FIBCD1: variants seen among roughly 807,000 people sequenced by gnomAD.
FIBCD1 encodes fibrinogen C domain containing 1, also known as fibrinogen C domain-containing protein 1.
FIBCD1 carries 47 observed loss-of-function variants against 45.1 expected under a neutral mutation model. The ratio of observed to expected loss-of-function variants is 1.04; its 90% CI spans 0.82 to 1.33. FIBCD1 has a LOEUF of 1.33. Among genes scored for constraint, FIBCD1 ranks in the 40% most tolerant of loss-of-function variants. The pLI is 0.00. For synonymous variants in FIBCD1, 313 were observed against 308.1 expected, an observed-to-expected ratio of 1.02 and a Z score of -0.17; for missense variants, 653 against 682.2, an observed-to-expected ratio of 0.96 and a Z score of 0.48.
chr9:130,938,328 C>T, intron 1 of FIBCD1: 1 of 444,698 alleles, frequency 2.2e-6, no homozygotes, highest in South Asian at 3.6e-5. Flanking sequence ...CGCGTGGCTC[C>T]TGCAGGGGTG....
chr9:130,927,795 A>G (rs1180637338), intron 2 of FIBCD1, among the ~76,000 whole-genome samples: 3 of 152,106 alleles, frequency 2.0e-5, no homozygotes, highest in Non-Finnish European at 2.9e-5. Flanking sequence ...CAGCCTCCTG[A>G]GTAGCTGGGA....
At chr9:130,915,494 G>A (rs576837561) in intron 4 of FIBCD1, among the ~76,000 whole-genome samples, 1 of 152,324 alleles carries the variant, frequency 6.6e-6, no homozygotes, top group African/African-American at 2.4e-5. Flanking sequence ...CCTGAGGTCA[G>A]GAGTTCGAGA....
In FIBCD1 at chr9:130,921,602, C is replaced by A. The variant is rs148647903; in HGVS notation, c.849+2142G>T. On this transcript the variant is annotated intron_variant, in intron 4 of 6. Transcript: ENST00000372338. ...GAATGACCGGCCTCCCAGCCCAAATCCTGATTGACTTCCCGGGAGATTGGC... is the reference window on the plus strand; with the variant it reads ...GAATGACCGGCCTCCCAGCCCAAATACTGATTGACTTCCCGGGAGATTGGC... Among the ~76,000 whole-genome samples, 65 of 152,342 alleles carry A rather than the reference C, an allele frequency of 4.3e-4. No individual in the cohort carries two copies. In the East Asian group the frequency reaches 0.012, roughly 27 times the overall value.
intron 5 of FIBCD1, among the ~76,000 whole-genome samples, chr9:130,911,075 C>T (rs1037364282): frequency 2.0e-4 from 30 of 152,318 alleles, no homozygotes; most frequent in African/African-American, 7.0e-4. Flanking sequence ...CCAGCCTCGG[C>T]AACCCGCTCA....
rs1310662324 is a variant in FIBCD1, at chr9:130,905,402, T to C, written c.958A>G (p.Ile320Val). The C allele has an allele frequency of 1.2e-6, 2 of 1,612,666 alleles. No homozygotes were observed. The highest frequency in any genetic ancestry group is 1.7e-6 in the Non-Finnish European group (2 of 1,179,312). ...TGEHWLGLKRIHALTTQAAYE... is the reference protein window; with the variant it reads ...TGEHWLGLKRVHALTTQAAYE... ...GCAGCCTGTGTGGTCAGGGCGTGGA[T>C]CCTCTTGAGCCCTGAAGTTGGGGGG... The change falls in exon 6 of 7, where the codon ATC becomes GTC. Residue 320 changes from isoleucine (I) to valine (V), a missense_variant. Transcript: ENST00000372338.
At chr9:130,915,661 CA>C (rs747933605) in intron 4 of FIBCD1, among the ~76,000 whole-genome samples, 1 of 152,154 alleles carries the variant, frequency 6.6e-6, no homozygotes, top group Non-Finnish European at 1.5e-5. Flanking sequence ...GAGATCGCGC[CA>C]CTGCACTCCA....
chr9:130,925,994 T>C (rs1488584991), intron 2 of FIBCD1, among the ~76,000 whole-genome samples: 1 of 152,120 alleles, frequency 6.6e-6, no homozygotes, highest in Admixed American at 6.5e-5. Context: ...AGCAGGTGAT[T>C]CAGTGAGGGC....
In FIBCD1 at chr9:130,903,675, C is replaced by G; in HGVS notation, c.*389G>C. On this transcript the variant is annotated 3_prime_UTR_variant, in exon 7 of 7. Coordinates refer to ENST00000372338, the MANE Select transcript of FIBCD1 (RefSeq NM_032843.5). The stretch of plus-strand genomic sequence containing the variant: ...AGGAGGACTCCAGGGGTGCTGTCTG[C>G]CCCCTGCTCTCTGTCCCCATAATGC... 2.8e-6 allele frequency: 1 copy of G among 363,144 alleles called. No homozygotes were observed. The highest frequency in any genetic ancestry group is 5.3e-6 in the Non-Finnish European group (1 of 187,986). 22.5% of individuals were successfully genotyped at this position (363,144 alleles called of 1,614,324 possible).
chr9:130,929,443 T>TA, intron 2 of FIBCD1, 124 bp downstream of exon 2: 1 of 1,276,804 alleles, frequency 7.8e-7, no homozygotes, highest in South Asian at 1.9e-5. Flanking sequence ...GGAACAGCAG[T>TA]AGCCCCTTGT....
At position 130,929,878 on chromosome 9, in the gene FIBCD1, T is replaced by C. The variant is rs1475663462; in HGVS notation, c.241A>G (p.Thr81Ala). ...GAASANSALVTVERADSSHLS... is the reference protein window; with the variant it reads ...GAASANSALVAVERADSSHLS... ...TGCGAGCTGTCCGCCCTTTCCACAG[T>C]GACCAGGGCGCTGTTGGCGCTGGCA... is the stretch of plus-strand genomic sequence containing the variant. The change falls in exon 2 of 7, where the codon ACT (threonine) becomes GCT (alanine). Residue 81 changes from threonine to alanine, a missense_variant. Coordinates refer to ENST00000372338, the MANE Select transcript of FIBCD1 (RefSeq NM_032843.5). 6.5e-7 allele frequency: 1 copy of C among 1,549,666 alleles called. No individual in the cohort carries two copies. The highest frequency in any genetic ancestry group is 1.2e-5 in the South Asian group (1 of 84,046).
At position 130,904,132 on chromosome 9, in the gene FIBCD1, A is replaced by G. The variant is rs1187845326; in HGVS notation, c.1318T>C (p.Trp440Arg). Residue 440 changes from tryptophan (W) to arginine (R), a missense_variant, in exon 7 of 7, where the codon TGG (tryptophan) becomes CGG (arginine). Coordinates refer to ENST00000372338, the MANE Select transcript of FIBCD1 (RefSeq NM_032843.5). ...SYADGVEWSS[W>R]TGWQYSLKFS... ...TTGAGTGAGTACTGCCAGCCGGTCC[A>G]GGAGGACCACTCCACGCCGTCGGCA... The G allele has an allele frequency of 1.9e-6, 3 of 1,613,284 alleles. No individual in the cohort carries two copies. The highest frequency in any genetic ancestry group is 1.1e-5 in the South Asian group (1 of 91,092).
At chr9:130,915,932 ATATTTTC>A (rs1243725064) in intron 4 of FIBCD1, among the ~76,000 whole-genome samples, 2 of 149,098 alleles carry the variant, frequency 1.3e-5, no homozygotes, top group African/African-American at 4.9e-5. Context: ...ACGTGCATAG[ATATTTTC>A]TTTTTTCTTT....
At position 130,904,177 on chromosome 9, in the gene FIBCD1, G is replaced by C; in HGVS notation, c.1273C>G (p.Arg425Gly). 6.2e-7 allele frequency: 1 copy of C among 1,613,716 alleles called. No homozygotes were observed. The highest frequency in any genetic ancestry group is 8.5e-7 in the Non-Finnish European group (1 of 1,179,994). The change falls in exon 7 of 7, where the codon CGC (arginine) becomes GGC (glycine). Residue 425 changes from arginine to glycine, a missense_variant. Arg to Gly is a moderately radical substitution (Grantham distance 125, BLOSUM62 -2). Transcript: ENST00000372338. ...HTSNLNGQYL[R>G]GAHASYADGV... is the part of the protein sequence containing the mutation. ...TCGGCATAGGAGGCGTGCGCACCGC[G>C]CAGGTACTGCCCATTGAGGTTGGAC...
chr9:130,920,243 C>A (rs1489475559), intron 4 of FIBCD1, among the ~76,000 whole-genome samples: 2 of 152,122 alleles, frequency 1.3e-5, no homozygotes, highest in Non-Finnish European at 2.9e-5. Context: ...GGACATCTGG[C>A]CTTTCTTTTT....
intron 2 of FIBCD1, among the ~76,000 whole-genome samples, chr9:130,927,532 T>G (rs1335307463): frequency 6.6e-6 from 1 of 152,216 alleles, no homozygotes; most frequent in East Asian, 1.9e-4. Context: ...GGGCCTGGAC[T>G]GGATCCCAGC....
chr9:130,937,589 A>C (rs927903816), intron 1 of FIBCD1, among the ~76,000 whole-genome samples: 1 of 152,154 alleles, frequency 6.6e-6, no homozygotes, highest in Non-Finnish European at 1.5e-5. Context: ...GCAAGCACGA[A>C]CTGTTCCTTC....
chr9:130,907,923 A>G (rs1473672305), intron 5 of FIBCD1, among the ~76,000 whole-genome samples: 3 of 151,426 alleles, frequency 2.0e-5, no homozygotes, highest in Non-Finnish European at 4.4e-5. Context: ...AAAGAAAGAA[A>G]AGAAAAACAG....
In FIBCD1 at chr9:130,926,354, A is replaced by G. The variant is rs1832359446; in HGVS notation, c.553-1958T>C. On this transcript the variant is annotated intron_variant, in intron 2 of 6. Coordinates refer to ENST00000372338, the MANE Select transcript of FIBCD1 (RefSeq NM_032843.5). This position sits in a 1 kb window ranked among gnomAD's most constrained non-coding sequence, Gnocchi z 4.1. ...AAATGTACATATAAACATGCCCCGAATTAATGGGGAAGTGAGTCCCTGCTT... is the reference window on the plus strand; with the variant it reads ...AAATGTACATATAAACATGCCCCGAGTTAATGGGGAAGTGAGTCCCTGCTT... Among the ~76,000 whole-genome samples, 1 of 152,226 alleles carries G rather than the reference A, an allele frequency of 6.6e-6. No individual in the cohort carries two copies. The highest frequency in any genetic ancestry group is 6.5e-5 in the Admixed American group (1 of 15,288).
intron 1 of FIBCD1, 89 bp downstream of exon 1, chr9:130,938,447 A>C: frequency 8.5e-7 from 1 of 1,172,212 alleles, no homozygotes; most frequent in Admixed American, 3.8e-5. Context: ...CCCAAACTCC[A>C]GCCCCCGCAA....
Sources: allele counts gnomAD v4.1 joint callset (sites outside exome capture counted in the v4.1 genomes callset), GRCh38; gene constraint gnomAD v4.1.1; non-coding constraint Gnocchi (gnomAD v3.1); transcripts MANE v1.5; gene names NCBI Gene and HGNC (gene_info 2026-07-23, HGNC 2026-07-21).